SLCO1B3: variants seen among roughly 807,000 people sequenced by gnomAD.
The protein encoded by SLCO1B3 is solute carrier organic anion transporter family member 1B3.
Under a neutral mutation model 71.8 loss-of-function variants are expected in SLCO1B3, and 72 were observed. The ratio of observed to expected loss-of-function variants is 1.00; its 90% CI spans 0.83 to 1.22. The LOEUF is 1.22. Ranked by LOEUF, SLCO1B3 falls within the 50% of genes most tolerant of loss-of-function variation. The pLI is 0.00. For missense variants in SLCO1B3, 911 were observed against 819.7 expected, an observed-to-expected ratio of 1.11 and a Z score of -1.36; for synonymous variants, 298 against 278.4, an observed-to-expected ratio of 1.07 and a Z score of -0.70.
intron 15 of SLCO1B3, among the ~76,000 whole-genome samples, chr12:20,905,558 A>G (rs949402157): frequency 1.1e-4 from 16 of 152,272 alleles, no homozygotes; most frequent in African/African-American, 3.6e-4. Flanking sequence ...TTCTTCCACT[A>G]GATACCCTAA....
At chr12:20,828,638 C>T (rs11045531) in intron 3 of SLCO1B3, among the ~76,000 whole-genome samples, 15,757 of 113,646 alleles carry the variant, frequency 0.14, 1,064 homozygotes, top group Middle Eastern at 0.24. Flanking sequence ...TAAAGGCACA[C>T]ACACACATAC....
At chr12:20,834,356 A>C (rs1435001684) in intron 3 of SLCO1B3, among the ~76,000 whole-genome samples, 3 of 124,226 alleles carry the variant, frequency 2.4e-5, no homozygotes, top group African/African-American at 7.7e-5. Flanking sequence ...TGTAGTCTTC[A>C]TATACGTGGA....
At position 20,822,027 on chromosome 12, in the gene SLCO1B3, G is replaced by T. The variant is rs548448033; in HGVS notation, c.84+6205G>T. Among the ~76,000 whole-genome samples the T allele has an allele frequency of 1.1e-3, 163 of 152,342 alleles. 4 individuals carry two copies. The South Asian group carries it at 0.033, about 31-fold the overall frequency. On this transcript the variant is annotated intron_variant, in intron 3 of 15. Transcript: ENST00000381545. ...AGGAAGTTGGAGAAGAGAGTAAAAAGAGGCCGCTTACCGGATTTGAAATTG... is the reference window on the plus strand; with the variant it reads ...AGGAAGTTGGAGAAGAGAGTAAAAATAGGCCGCTTACCGGATTTGAAATTG...
At chr12:20,888,470 G>A (rs1032521401) in intron 13 of SLCO1B3, among the ~76,000 whole-genome samples, 1 of 151,792 alleles carries the variant, frequency 6.6e-6, no homozygotes, top group Admixed American at 6.6e-5. Context: ...GGATTAAGTT[G>A]TTGATTTGAT....
At chr12:20,892,118 T>C (rs1015846076) in intron 13 of SLCO1B3, among the ~76,000 whole-genome samples, 4 of 152,136 alleles carry the variant, frequency 2.6e-5, no homozygotes, top group Non-Finnish European at 5.9e-5. Context: ...TTTGGACCTT[T>C]AACAATCTAT....
At chr12:20,810,879 G>A (rs1038523399) in intron 1 of SLCO1B3, 115 bp downstream of exon 1, 1 of 152,144 alleles carries the variant, frequency 6.6e-6, no homozygotes, top group Non-Finnish European at 1.5e-5. Context: ...TTTATGCTCT[G>A]TGTCTTCTCC....
At chr12:20,854,920 G>A (rs1865102258) in intron 3 of SLCO1B3, 108 bp from the exon 4 acceptor site, 1 of 1,028,538 alleles carries the variant, frequency 9.7e-7, no homozygotes, top group African/African-American at 1.6e-5. Context: ...ATTTTTTTAT[G>A]ATAATGTTTT....
At chr12:20,845,683 A>G (rs918082385) in intron 3 of SLCO1B3, among the ~76,000 whole-genome samples, 2 of 152,182 alleles carry the variant, frequency 1.3e-5, no homozygotes, top group African/African-American at 2.4e-5. Context: ...GATGACAAGA[A>G]TGTATATTCT....
At chr12:20,872,193 C>T (rs1405550793) in intron 8 of SLCO1B3, among the ~76,000 whole-genome samples, 2 of 151,952 alleles carry the variant, frequency 1.3e-5, no homozygotes, top group Admixed American at 6.6e-5. Flanking sequence ...AAGATTCTGC[C>T]AGGCCACCAC....
chr12:20,849,060 G>T (rs928786658), intron 3 of SLCO1B3, among the ~76,000 whole-genome samples: 2 of 151,968 alleles, frequency 1.3e-5, no homozygotes, highest in Non-Finnish European at 2.9e-5. Context: ...ACTGTGTGTG[G>T]ATAGAGGGAA....
chr12:20,909,793 C>T (rs1266464192), intron 15 of SLCO1B3, among the ~76,000 whole-genome samples: 1 of 152,052 alleles, frequency 6.6e-6, no homozygotes, highest in East Asian at 1.9e-4. Flanking sequence ...TCACTGTAGC[C>T]TTGCACTCCT....
intron 3 of SLCO1B3, among the ~76,000 whole-genome samples, chr12:20,850,018 T>C (rs1864993181): frequency 7.0e-6 from 1 of 143,512 alleles, no homozygotes; most frequent in Non-Finnish European, 1.5e-5. Flanking sequence ...ACATTCTATC[T>C]AAATCCCAAC....
intron 13 of SLCO1B3, among the ~76,000 whole-genome samples, chr12:20,894,598 G>A (rs543147190): frequency 6.6e-6 from 1 of 152,176 alleles, no homozygotes; most frequent in African/African-American, 2.4e-5. Context: ...CCGACAAAGT[G>A]TAACTTCTGA....
At chr12:20,895,384 G>A (rs563435648) in intron 13 of SLCO1B3, among the ~76,000 whole-genome samples, 1 of 152,114 alleles carries the variant, frequency 6.6e-6, no homozygotes, top group African/African-American at 2.4e-5. Flanking sequence ...GATACAATGG[G>A]GGTACAGGCA....
At chr12:20,902,873 A>G (rs552433085) in intron 15 of SLCO1B3, among the ~76,000 whole-genome samples, 2 of 152,158 alleles carry the variant, frequency 1.3e-5, no homozygotes, top group South Asian at 4.2e-4. Context: ...GTTCGAGACC[A>G]GCCTGACAAT....
intron 15 of SLCO1B3, among the ~76,000 whole-genome samples, chr12:20,912,618 G>A (rs929498273): frequency 6.0e-5 from 9 of 150,774 alleles, no homozygotes; most frequent in Non-Finnish European, 1.2e-4. Context: ...CCACCTCCCA[G>A]GTTCAAGTGA....
intron 8 of SLCO1B3, among the ~76,000 whole-genome samples, chr12:20,873,158 A>C (rs1020755075): frequency 6.6e-6 from 1 of 152,192 alleles, no homozygotes; most frequent in African/African-American, 2.4e-5. Flanking sequence ...GAACTTGGCA[A>C]GTGCCCATGT....
intron 3 of SLCO1B3, among the ~76,000 whole-genome samples, chr12:20,854,317 T>TATTATTATG (rs1038433985): frequency 1.3e-5 from 2 of 151,942 alleles, no homozygotes; most frequent in Non-Finnish European, 1.5e-5. Context: ...TTATTATTAT[T>TATTATTATG]ATGTTACTGT....
intron 15 of SLCO1B3, 41 bp downstream of exon 15, chr12:20,901,508 T>C (rs539061870): frequency 1.9e-6 from 2 of 1,066,698 alleles, no homozygotes; most frequent in East Asian, 5.1e-5. Context: ...GATTTTTTCT[T>C]TGTCTATGTT....
Sources: gnomAD v4.1 joint callset for allele counts (sites outside exome capture counted in the v4.1 genomes callset) on GRCh38, gnomAD v4.1.1 for gene constraint, MANE v1.5 for transcripts, NCBI Gene and HGNC (gene_info 2026-07-23, HGNC 2026-07-21) for gene names.